The following TENM4 variants were observed in gnomAD, a reference collection of about 807,000 sequenced individuals.
TENM4 encodes the protein teneurin transmembrane protein 4.
A neutral mutation model predicts 243.3 loss-of-function variants in TENM4; 82 were observed. The ratio of observed to expected loss-of-function variants is 0.34; its 90% CI spans 0.28 to 0.40. The LOEUF (loss-of-function observed/expected upper bound fraction) is 0.40. Ranked by LOEUF, TENM4 falls within the 10% of genes least tolerant of loss-of-function variation. The probability of loss-of-function intolerance (pLI) is 1.00; values close to 1 mark genes in which losing one functional copy is unlikely to be tolerated. For synonymous variants in TENM4, 1,412 were observed against 1,456.3 expected, an observed-to-expected ratio of 0.97 and a Z score of 0.69; for missense variants, 3,138 against 3,673.3, an observed-to-expected ratio of 0.85 and a Z score of 3.77.
At chr11:78,867,354 C>A (rs2136233755) in intron 9 of TENM4, among the ~76,000 whole-genome samples, 1 of 152,262 alleles carries the variant, frequency 6.6e-6, no homozygotes, top group Admixed American at 6.5e-5. Flanking sequence ...GAGAATACAG[C>A]AAAGTCATCT....
intron 1 of TENM4, among the ~76,000 whole-genome samples, chr11:79,396,835 T>C (rs1441208969): frequency 1.3e-5 from 2 of 152,196 alleles, no homozygotes; most frequent in Non-Finnish European, 2.9e-5. Flanking sequence ...GTGGCTTGAA[T>C]AGCTTTATGA....
intron 3 of TENM4, among the ~76,000 whole-genome samples, chr11:79,156,251 C>A (rs1862613651): frequency 6.6e-6 from 1 of 152,200 alleles, no homozygotes; most frequent in Non-Finnish European, 1.5e-5. Context: ...CTGCACAGAC[C>A]ATTGTAGCTC....
chr11:79,378,543 A>G (rs579805), intron 1 of TENM4, among the ~76,000 whole-genome samples: 88,780 of 151,896 alleles, frequency 0.58, 25,897 homozygotes, highest in African/African-American at 0.61. Context: ...AACCACTTCC[A>G]CACTCCACCT....
chr11:78,729,441 T>C lies in TENM4; in HGVS notation c.3341A>G (p.Tyr1114Cys), dbSNP rs751904355. 1.4e-5 allele frequency: 23 copies of C among 1,602,888 alleles called. 1 individual carries two copies. The Admixed American group carries it at 3.3e-4, about 23-fold the overall frequency. The change falls in exon 22 of 34, where the codon TAT (tyrosine) becomes TGT (cysteine). Residue 1114 changes from tyrosine (Y) to cysteine (C), a missense_variant. Transcript: ENST00000278550. The part of the protein sequence containing the change: ...KWFAAAPDLS[Y>C]YFIWDKTDVY... Reference sequence around the variant, plus strand: ...GTCTGTCTTGTCCCAAATGAAATAATAGGACAGGTCTGGGGCTGCAGCGAA... The same window carrying C: ...GTCTGTCTTGTCCCAAATGAAATAACAGGACAGGTCTGGGGCTGCAGCGAA...
chr11:79,394,900 G>A (rs975889053), intron 1 of TENM4, among the ~76,000 whole-genome samples: 1 of 152,156 alleles, frequency 6.6e-6, no homozygotes, highest in African/African-American at 2.4e-5. Flanking sequence ...GCAAGCCAAG[G>A]AGCACCAAGG....
chr11:78,828,789 T>C lies in TENM4; in HGVS notation c.1682-14394A>G, dbSNP rs370337398. On this transcript the variant is annotated intron_variant, in intron 12 of 33. Coordinates refer to ENST00000278550, the MANE Select transcript of TENM4 (RefSeq NM_001098816.3). ...CGGTAGCTACATATCTTGCAAGAAA[T>C]TGAGAAATAGTTTCTGTTGTGAAAA... Among the ~76,000 whole-genome samples, 66 of 152,358 alleles carry C rather than the reference T, an allele frequency of 4.3e-4. 1 individual carries two copies. The East Asian group carries it at 7.1e-3, about 16-fold the overall frequency.
At chr11:78,860,763 GCAGCA>G (rs1425444279) in intron 10 of TENM4, among the ~76,000 whole-genome samples, 1 of 152,184 alleles carries the variant, frequency 6.6e-6, no homozygotes, top group Non-Finnish European at 1.5e-5. Flanking sequence ...TGACCACTTT[GCAGCA>G]CAGTGCTGCA....
intron 6 of TENM4, among the ~76,000 whole-genome samples, chr11:79,058,326 A>G (rs1202452410): frequency 6.6e-6 from 1 of 152,100 alleles, no homozygotes; most frequent in Admixed American, 6.6e-5. Flanking sequence ...GGCAGATCAT[A>G]AGGTCAGGAG....
At chr11:79,023,247 A>C (rs1435568010) in intron 6 of TENM4, among the ~76,000 whole-genome samples, 1 of 152,178 alleles carries the variant, frequency 6.6e-6, no homozygotes. Flanking sequence ...AATGAAAATG[A>C]GGGTGAATTA....
chr11:79,410,145 G>A (rs184273075), intron 1 of TENM4, among the ~76,000 whole-genome samples: 8 of 152,238 alleles, frequency 5.3e-5, no homozygotes, highest in Admixed American at 2.6e-4. Context: ...TGCAGGCTGC[G>A]GGTTGGACAA....
intron 6 of TENM4, among the ~76,000 whole-genome samples, chr11:79,039,849 A>G (rs1383019972): frequency 6.6e-6 from 1 of 152,236 alleles, no homozygotes; most frequent in African/African-American, 2.4e-5. Flanking sequence ...AAACTGTGAA[A>G]GAATGAAATG....
intron 4 of TENM4, among the ~76,000 whole-genome samples, chr11:79,089,515 C>T (rs1463344458): frequency 6.6e-6 from 1 of 152,192 alleles, no homozygotes; most frequent in Non-Finnish European, 1.5e-5. Context: ...GGGAAGTGCC[C>T]AGTCCTTACC....
In TENM4 at chr11:78,653,436, C is replaced by G. The variant is rs921631102; in HGVS notation, c.*4622G>C. 1.2e-4 allele frequency: 19 copies of G among 152,124 alleles called. No homozygotes were observed. Among genetic ancestry groups the G allele is most frequent in the African/African-American group, 4.6e-4 (19 of 41,502 alleles). 9.4% of individuals were successfully genotyped at this position (152,124 alleles called of 1,614,324 possible). A position where few individuals can be genotyped will look rare whatever the true frequency, so the allele number is the denominator to read the frequency against. On this transcript the variant is annotated 3_prime_UTR_variant, in exon 34 of 34. Transcript: ENST00000278550. ...CAGTCAAGATACAGTGTTAGAAACA[C>G]AAAAGTGTTGAGAAAAAAACTTCTC... is the stretch of plus-strand genomic sequence containing the variant.
intron 6 of TENM4, among the ~76,000 whole-genome samples, chr11:78,923,675 T>A (rs1188428404): frequency 7.1e-6 from 1 of 141,788 alleles, no homozygotes; most frequent in African/African-American, 2.6e-5. Context: ...GTAGCTGGGA[T>A]GACAGGCATG....
intron 1 of TENM4, among the ~76,000 whole-genome samples, chr11:79,347,762 CTTTTTTTT>C (rs528675032): frequency 3.2e-5 from 3 of 94,692 alleles, no homozygotes; most frequent in Admixed American, 1.2e-4. Context: ...CTATCCTCTC[CTTTTTTTT>C]TTTTTTTTTT....
chr11:79,171,434 G>GC (rs1448281900), intron 3 of TENM4, among the ~76,000 whole-genome samples: 2 of 152,232 alleles, frequency 1.3e-5, no homozygotes, highest in East Asian at 3.8e-4. Context: ...GGGAAACCCA[G>GC]CCATGGAAAC....
At chr11:79,375,157 G>C (rs1209089982) in intron 1 of TENM4, among the ~76,000 whole-genome samples, 1 of 152,158 alleles carries the variant, frequency 6.6e-6, no homozygotes, top group African/African-American at 2.4e-5. Flanking sequence ...ATTCTAGTGG[G>C]GGCCTCCAAT....
intron 2 of TENM4, among the ~76,000 whole-genome samples, chr11:79,293,220 C>A (rs918427338): frequency 6.6e-6 from 1 of 152,116 alleles, no homozygotes; most frequent in Non-Finnish European, 1.5e-5. Context: ...ATTATGAAAT[C>A]TTTGGCATAT....
rs191640497 is a variant in TENM4 at position 79,043,674 on chromosome 11, G to A, written c.493+21064C>T. Among the ~76,000 whole-genome samples, 245 of 152,214 alleles carry A rather than the reference G, an allele frequency of 1.6e-3. 5 individuals are homozygous for A. The South Asian group carries it at 0.045, about 28-fold the overall frequency. On this transcript the variant is annotated intron_variant, in intron 6 of 33. Coordinates refer to ENST00000278550, the MANE Select transcript of TENM4 (RefSeq NM_001098816.3). The stretch of plus-strand genomic sequence containing the variant: ...ATTTTTGTCTATAATCACTAAAACA[G>A]GACATGGAAATATCAGGTTCTCTAT...
Sources: allele counts gnomAD v4.1 joint callset (sites outside exome capture counted in the v4.1 genomes callset), GRCh38; gene constraint gnomAD v4.1.1; transcripts MANE v1.5; gene names NCBI Gene and HGNC (gene_info 2026-07-23, HGNC 2026-07-21).